ZNF432: variants seen among roughly 807,000 people sequenced by gnomAD.
The protein encoded by ZNF432 is zinc finger protein 432.
Under a neutral mutation model 13.9 loss-of-function variants are expected in ZNF432, and 10 were observed. The observed-to-expected ratio is 0.72, with a 90% CI of 0.44 to 1.22. The LOEUF is 1.22. Among genes scored for constraint, ZNF432 ranks in the 50% most tolerant of loss-of-function variants. The probability of loss-of-function intolerance (pLI) is 0.00; values close to 1 mark genes in which losing one functional copy is unlikely to be tolerated. For missense variants in ZNF432, 793 were observed against 796.2 expected, an observed-to-expected ratio of 1.00 and a Z score of 0.05; for synonymous variants, 247 against 256.2, an observed-to-expected ratio of 0.96 and a Z score of 0.34.
intron 4 of ZNF432, among the ~76,000 whole-genome samples, chr19:52,038,553 G>A (rs1267871910): frequency 6.6e-6 from 1 of 152,106 alleles, no homozygotes; most frequent in Non-Finnish European, 1.5e-5. Flanking sequence ...GCCTCCCAAA[G>A]TGCTGGGATT....
In ZNF432 at chr19:52,033,614, T is replaced by C; in HGVS notation, c.*106A>G. On this transcript the variant is annotated 3_prime_UTR_variant, in exon 5 of 5. Coordinates refer to ENST00000221315, the MANE Select transcript of ZNF432 (RefSeq NM_014650.4). ...GTGAATAACACTGGATTTTGAAATA[T>C]GATTTTTCATACTCAGTACACATGT... 2 of 1,298,430 alleles carry C rather than the reference T, an allele frequency of 1.5e-6. No homozygotes were observed. The highest frequency in any genetic ancestry group is 1.6e-5 in the South Asian group (1 of 62,690). 80.4% of individuals were successfully genotyped at this position (1,298,430 alleles called of 1,614,324 possible).
chr19:52,039,344 G>A (rs966569226), intron 4 of ZNF432, among the ~76,000 whole-genome samples: 1 of 152,064 alleles, frequency 6.6e-6, no homozygotes, highest in African/African-American at 2.4e-5. Flanking sequence ...TGCAATAGAT[G>A]AATTGATAAA....
intron 3 of ZNF432, 115 bp from the exon 4 acceptor site, chr19:52,040,698 C>T: frequency 1.2e-6 from 1 of 815,940 alleles, no homozygotes; most frequent in East Asian, 2.5e-5. Context: ...GTAGAGGCTT[C>T]TCTCTCAGGA....
rs750691720 is a variant in ZNF432 at position 52,034,019 on chromosome 19, G to A, written c.1660C>T (p.Arg554Cys). 2.3e-5 allele frequency: 37 copies of A among 1,613,850 alleles called. No individual in the cohort carries two copies. The highest frequency in any genetic ancestry group is 1.6e-4 in the Middle Eastern group (1 of 6,084). Residue 554 changes from arginine to cysteine, a missense_variant, in exon 5 of 5, where the codon CGC becomes TGC. Coordinates refer to ENST00000221315, the MANE Select transcript of ZNF432 (RefSeq NM_014650.4). ...ATTTGCTGATGTACAATGAGATAGC[G>A]TTTCATGGTGAAGCCTTTTCCACAT... ...SECGKGFTMK[R>C]YLIVHQQIHT...
chr19:52,040,465 G>T (rs370445266), intron 4 of ZNF432, 23 bp downstream of exon 4: 1 of 1,594,106 alleles, frequency 6.3e-7, no homozygotes, highest in Non-Finnish European at 8.6e-7. Context: ...TATTACTTAC[G>T]CATCTTGCTG....
Position 52,035,223 on chromosome 19 carries a change from A to T in ZNF432, c.456T>A (p.Ile152=), listed in dbSNP as rs867471306. The stretch of plus-strand genomic sequence containing the variant: ...CTCCACTAAATTTAGTAGAGTTGTT[A>T]ATTTCACAGCTTTTGTTCTGGTTGA... The part of the protein sequence containing the change: ...SLVNQNKSCE[I]NNSTKFSGDG... Residue 152 remains isoleucine, a synonymous_variant, in exon 5 of 5, where the codon ATT becomes ATA. Coordinates refer to ENST00000221315, the MANE Select transcript of ZNF432 (RefSeq NM_014650.4). 2.5e-6 allele frequency: 4 copies of T among 1,609,286 alleles called. No individual in the cohort carries two copies. The highest frequency in any genetic ancestry group is 1.7e-6 in the Non-Finnish European group (2 of 1,178,764).
In ZNF432 at chr19:52,035,452, G is replaced by A. The variant is rs775604374; in HGVS notation, c.239-12C>T. The A allele has an allele frequency of 2.6e-6, 4 of 1,517,974 alleles. No homozygotes were observed. The highest frequency in any genetic ancestry group is 4.9e-5 in the Admixed American group (2 of 40,984). The allele number at this position is 1,517,974 out of a possible 1,614,324, so 94.0% of individuals were successfully genotyped here. A position where few individuals can be genotyped will look rare whatever the true frequency, so the allele number is the denominator to read the frequency against. On this transcript the variant is annotated splice_polypyrimidine_tract_variant and intron_variant, in intron 4 of 4. Transcript: ENST00000221315. ...AACTTCGTTGTTTTCTAGGAAAGAA[G>A]AGAACAATGAATCCTTTTATAATCT...
Position 52,046,350 on chromosome 19 carries a change from C to G in ZNF432, c.15+504G>C, listed in dbSNP as rs563821366. 2.3e-4 allele frequency among the ~76,000 whole-genome samples: 35 copies of G among 152,286 alleles called. No homozygotes were observed. In the South Asian group the frequency reaches 7.0e-3, roughly 31 times the overall value. On this transcript the variant is annotated intron_variant, in intron 2 of 4. Transcript: ENST00000221315. ...CTTGAGTGTGTGGCCTTGCTTTCGT[C>G]CCCTAAAAAAACTGTTTCCACTGAG...
chr19:52,034,707 T>C lies in ZNF432; in HGVS notation c.972A>G (p.Lys324=). ...TAAGCATGCTCTTCCCAGTGAAGCCTTTTCCACATTCACTACATATATAGG... is the reference window on the plus strand; with the variant it reads ...TAAGCATGCTCTTCCCAGTGAAGCCCTTTCCACATTCACTACATATATAGG... ...EKSYICSECG[K]GFTGKSMLII... Residue 324 remains lysine, a synonymous_variant, in exon 5 of 5, where the codon AAA becomes AAG. Transcript: ENST00000221315. 1 of 1,613,832 alleles carries C rather than the reference T, an allele frequency of 6.2e-7. No individual in the cohort carries two copies.
chr19:52,047,962 G>A (rs1341998455), intron 1 of ZNF432, among the ~76,000 whole-genome samples: 2 of 151,698 alleles, frequency 1.3e-5, no homozygotes, highest in Non-Finnish European at 2.9e-5. Context: ...CTATTCATCC[G>A]CCCCCCTTCA....
chr19:52,039,091 T>A (rs117525768), intron 4 of ZNF432, among the ~76,000 whole-genome samples: 3,038 of 152,344 alleles, frequency 0.02, 53 homozygotes, highest in Admixed American at 0.024. Flanking sequence ...ACTTCCCTAG[T>A]TGTCAATACT....
In ZNF432 at chr19:52,034,049, T is replaced by G. The variant is rs772400779; in HGVS notation, c.1630A>C (p.Ser544Arg). 17 of 1,614,106 alleles carry G rather than the reference T, an allele frequency of 1.1e-5. No homozygotes were observed. Among genetic ancestry groups the G allele is most frequent in the African/African-American group, 2.7e-5 (2 of 74,952 alleles). Residue 544 changes from serine (S) to arginine (R), a missense_variant, in exon 5 of 5, where the codon AGT becomes CGT. Coordinates refer to ENST00000221315, the MANE Select transcript of ZNF432 (RefSeq NM_014650.4). ...THTGEKPFMC[S>R]ECGKGFTMKR... ...ATGGTGAAGCCTTTTCCACATTCAC[T>G]GCACATAAAGGGTTTCTCTCCAGTA...
At position 52,034,123 on chromosome 19, in the gene ZNF432, C is replaced by A; in HGVS notation, c.1556G>T (p.Gly519Val). 6.2e-7 allele frequency: 1 copy of A among 1,614,102 alleles called. No individual in the cohort carries two copies. Among genetic ancestry groups the A allele is most frequent in the Non-Finnish European group, 8.5e-7 (1 of 1,179,974 alleles). The change falls in exon 5 of 5, where the codon GGA becomes GTA. Residue 519 changes from glycine to valine, a missense_variant. Physicochemically the swap from Gly to Val is moderately radical, Grantham distance 109 (BLOSUM62 -3). Transcript: ENST00000221315. Reference protein sequence around the residue: ...GEKPYICNECGKGFAFKSNLV... With the variant: ...GEKPYICNECVKGFAFKSNLV... ...ATTGCTCTTAAAGGCAAAACCTTTT[C>A]CACATTCATTGCATATGTACGGTTT...
At chr19:52,043,196 G>A (rs2087151408) in intron 2 of ZNF432, among the ~76,000 whole-genome samples, 2 of 152,218 alleles carry the variant, frequency 1.3e-5, no homozygotes, top group South Asian at 4.1e-4. Context: ...AGACATAGGA[G>A]ACTCCATTTT....
At chr19:52,044,601 T>C (rs1249628603) in intron 2 of ZNF432, among the ~76,000 whole-genome samples, 1 of 152,022 alleles carries the variant, frequency 6.6e-6, no homozygotes, top group Admixed American at 6.6e-5. Context: ...AAAAATCCAG[T>C]TGGCCAAGAA....
In ZNF432 at chr19:52,034,348, A is replaced by T. The variant is rs773798687; in HGVS notation, c.1331T>A (p.Leu444His). The part of the protein sequence containing the change: ...CGKGFTVKSM[L>H]IIHQRTHTGE... ...TGTATGAGTTCGCTGATGTATGATG[A>T]GCATGCTTTTCACAGTAAAACCTTT... The change falls in exon 5 of 5, where the codon CTC becomes CAC. Residue 444 changes from leucine (L) to histidine (H), a missense_variant. Transcript: ENST00000221315. 6.2e-7 allele frequency: 1 copy of T among 1,613,898 alleles called. No homozygotes were observed. Among genetic ancestry groups the T allele is most frequent in the South Asian group, 1.1e-5 (1 of 91,044 alleles).
rs1568525740 is a variant in ZNF432 at position 52,048,789 on chromosome 19, CT to C, written c.-288del. ...GGGCCCCTCGCCCAACTCCCTCCCCCTCTAAACCTCCAGAGACGGTCAGCCG... is the reference window on the plus strand; with the variant it reads ...GGGCCCCTCGCCCAACTCCCTCCCCCCTAAACCTCCAGAGACGGTCAGCCG... On this transcript the variant is annotated 5_prime_UTR_variant, in exon 1 of 5. The change creates a premature stop within an existing upstream ORF in the 5' untranslated region. Transcript: ENST00000221315. 6.6e-6 allele frequency: 1 copy of C among 152,562 alleles called. No homozygotes were observed. Among genetic ancestry groups the C allele is most frequent in the Non-Finnish European group, 1.5e-5 (1 of 68,194 alleles). The allele number at this position is 152,562 out of a possible 1,614,324, so 9.5% of individuals were successfully genotyped here. A position where few individuals can be genotyped will look rare whatever the true frequency, so the allele number is the denominator to read the frequency against.
intron 2 of ZNF432, among the ~76,000 whole-genome samples, chr19:52,043,359 A>C: frequency 6.6e-6 from 1 of 152,190 alleles, no homozygotes; most frequent in Non-Finnish European, 1.5e-5. Context: ...CAGATGCTTA[A>C]AGGCAGCATG....
chr19:52,036,894 C>T lies in ZNF432; in HGVS notation c.239-1454G>A, dbSNP rs180802034. 3.7e-3 allele frequency among the ~76,000 whole-genome samples: 566 copies of T among 152,266 alleles called. 2 individuals carry two copies. Among genetic ancestry groups the T allele is most frequent in the Middle Eastern group, 0.014 (4 of 294 alleles). On this transcript the variant is annotated intron_variant, in intron 4 of 4. Coordinates refer to ENST00000221315, the MANE Select transcript of ZNF432 (RefSeq NM_014650.4). ...CCATATTGCCCAAGCTGGTCTTGAACTCTTGGGCTCAAGTGATCTGCCCAC... is the reference window on the plus strand; with the variant it reads ...CCATATTGCCCAAGCTGGTCTTGAATTCTTGGGCTCAAGTGATCTGCCCAC...
Sources: allele counts gnomAD v4.1 joint callset (sites outside exome capture counted in the v4.1 genomes callset), GRCh38; gene constraint gnomAD v4.1.1; transcripts MANE v1.5; gene names NCBI Gene and HGNC (gene_info 2026-07-23, HGNC 2026-07-21).